The following NCKAP5 variants were observed in gnomAD, a reference collection of about 807,000 sequenced individuals.
NCKAP5 encodes the protein nck-associated protein 5.
NCKAP5 carries 92 observed loss-of-function variants against 167.0 expected under a neutral mutation model. That is an observed-to-expected ratio of 0.55 (90% CI 0.47 to 0.66). The LOEUF is 0.66. Among genes scored for constraint, NCKAP5 ranks in the 30% least tolerant of loss-of-function variants. The probability of loss-of-function intolerance (pLI) is 0.00; values close to 1 mark genes in which losing one functional copy is unlikely to be tolerated. For synonymous variants in NCKAP5, 891 were observed against 877.4 expected, an observed-to-expected ratio of 1.02 and a Z score of -0.27; for missense variants, 2,378 against 2,315.0, an observed-to-expected ratio of 1.03 and a Z score of -0.56.
At chr2:133,020,337 T>C (rs1559057438) in intron 6 of NCKAP5, among the ~76,000 whole-genome samples, 1 of 152,296 alleles carries the variant, frequency 6.6e-6, no homozygotes, top group East Asian at 1.9e-4. Flanking sequence ...AGCTGAGTCC[T>C]ATGGTGGTCA....
intron 16 of NCKAP5, among the ~76,000 whole-genome samples, chr2:132,736,528 C>A (rs556262876): frequency 3.3e-4 from 50 of 152,080 alleles, no homozygotes; most frequent in Non-Finnish European, 6.8e-4. Flanking sequence ...TGCCTGTAAT[C>A]CCAGCACTTG....
At chr2:133,297,852 C>T (rs1680077044) in intron 4 of NCKAP5, among the ~76,000 whole-genome samples, 1 of 152,144 alleles carries the variant, frequency 6.6e-6, no homozygotes, top group African/African-American at 2.4e-5. Context: ...TAGCCCACTC[C>T]ATGACAATGG....
chr2:133,053,898 C>A (rs1206183486), intron 6 of NCKAP5, among the ~76,000 whole-genome samples: 1 of 152,136 alleles, frequency 6.6e-6, no homozygotes, highest in African/African-American at 2.4e-5. Context: ...TGCATGCAAT[C>A]CAATAAACAA....
intron 8 of NCKAP5, among the ~76,000 whole-genome samples, chr2:132,894,433 T>C (rs1301305470): frequency 6.6e-6 from 1 of 152,222 alleles, no homozygotes; most frequent in Non-Finnish European, 1.5e-5. Flanking sequence ...TGCCTTGCCA[T>C]GTAATGACTT....
At chr2:133,648,732 T>C in the NCKAP5 span, among the ~76,000 whole-genome samples, 1 of 151,918 alleles carries the variant, frequency 6.6e-6, no homozygotes, top group African/African-American at 2.4e-5. Context: ...CCAAAACTTA[T>C]GTTGTGCAGC....
At chr2:133,330,672 T>C (rs933164939) in intron 3 of NCKAP5, among the ~76,000 whole-genome samples, 3 of 152,046 alleles carry the variant, frequency 2.0e-5, no homozygotes, top group Non-Finnish European at 4.4e-5. Flanking sequence ...GAGGATCACT[T>C]GAAGCCAGGA....
intron 6 of NCKAP5, among the ~76,000 whole-genome samples, chr2:133,125,198 T>G (rs2149777271): frequency 6.6e-6 from 1 of 151,810 alleles, no homozygotes; most frequent in East Asian, 1.9e-4. Flanking sequence ...CTTTATCACC[T>G]AAGTGATCCC....
At chr2:133,542,408 A>G (rs1419756733) in intron 2 of NCKAP5, among the ~76,000 whole-genome samples, 1 of 152,222 alleles carries the variant, frequency 6.6e-6, no homozygotes, top group East Asian at 1.9e-4. Flanking sequence ...TTTCCAAATT[A>G]TAGTAGCTTA....
chr2:133,259,258 T>A (rs2088785999), intron 4 of NCKAP5, among the ~76,000 whole-genome samples: 1 of 152,216 alleles, frequency 6.6e-6, no homozygotes, highest in Admixed American at 6.5e-5. Flanking sequence ...CTTCTTCTAA[T>A]TCCCAGCTCC....
At chr2:133,049,684 A>T (rs1489568969) in intron 6 of NCKAP5, among the ~76,000 whole-genome samples, 1 of 152,166 alleles carries the variant, frequency 6.6e-6, no homozygotes, top group African/African-American at 2.4e-5. Flanking sequence ...AAATTCATAC[A>T]GTGTAACCCA....
intron 3 of NCKAP5, among the ~76,000 whole-genome samples, chr2:133,462,994 G>A (rs867308256): frequency 5.3e-5 from 8 of 152,190 alleles, no homozygotes; most frequent in Non-Finnish European, 8.8e-5. Context: ...TTCCATCTGC[G>A]TTTTATGTGA....
intron 7 of NCKAP5, among the ~76,000 whole-genome samples, chr2:132,968,034 C>A (rs945303661): frequency 3.9e-5 from 6 of 152,088 alleles, no homozygotes; most frequent in African/African-American, 1.4e-4. Context: ...CAGGGCCAGG[C>A]CTGCCTTGCT....
intron 3 of NCKAP5, among the ~76,000 whole-genome samples, chr2:133,485,926 A>G (rs1680866456): frequency 2.0e-5 from 3 of 152,136 alleles, no homozygotes. Flanking sequence ...GGCAGATGGG[A>G]TGATGTATTG....
Position 133,069,868 on chromosome 2 carries a change from A to AT in NCKAP5, c.341+60109_341+60110insA, listed in dbSNP as rs1559108707. ...ATTTATAAATTTCATTGATTTATTA[A>AT]AAATATATATATATACACACACACA... On this transcript the variant is annotated intron_variant, in intron 6 of 19. Transcript: ENST00000409261. Among the ~76,000 whole-genome samples, 695 of 148,896 alleles carry AT rather than the reference A, an allele frequency of 4.7e-3. 5 individuals are homozygous for AT. Among genetic ancestry groups the AT allele is most frequent in the African/African-American group, 0.017 (677 of 38,824 alleles).
intron 2 of NCKAP5, among the ~76,000 whole-genome samples, chr2:133,533,069 C>A (rs1685488748): frequency 6.6e-6 from 1 of 152,152 alleles, no homozygotes; most frequent in Non-Finnish European, 1.5e-5. Context: ...TCACTAGGGG[C>A]ACACTCATTT....
intron 3 of NCKAP5, among the ~76,000 whole-genome samples, chr2:133,385,479 G>A (rs1017726434): frequency 4.6e-5 from 7 of 152,192 alleles, no homozygotes; most frequent in African/African-American, 1.4e-4. Context: ...TTGCATTGAT[G>A]TTCATCAGGG....
intron 3 of NCKAP5, among the ~76,000 whole-genome samples, chr2:133,372,386 G>T (rs776809408): frequency 1.3e-5 from 2 of 152,176 alleles, no homozygotes; most frequent in Non-Finnish European, 2.9e-5. Context: ...GGGAAAAATA[G>T]AACTATGTGG....
intron 16 of NCKAP5, among the ~76,000 whole-genome samples, chr2:132,766,518 T>A (rs1681508884): frequency 6.6e-6 from 1 of 152,170 alleles, no homozygotes; most frequent in African/African-American, 2.4e-5. Context: ...AATCCAGTCG[T>A]GGATTTAAAA....
At chr2:133,625,870 C>CAAAA in the NCKAP5 span, among the ~76,000 whole-genome samples, 2 of 88,996 alleles carry the variant, frequency 2.2e-5, no homozygotes, top group African/African-American at 3.7e-5. Flanking sequence ...AGACTTGTCT[C>CAAAA]AAAAAAAAAA....
Sources: allele counts gnomAD v4.1 joint callset (sites outside exome capture counted in the v4.1 genomes callset), GRCh38; gene constraint gnomAD v4.1.1; transcripts MANE v1.5; gene names NCBI Gene and HGNC (gene_info 2026-07-23, HGNC 2026-07-21).